Variants in NOXRED1 observed in about 807,000 individuals in gnomAD.
NOXRED1 encodes NADP-dependent oxidoreductase domain-containing protein 1.
Under a neutral mutation model 30.4 loss-of-function variants are expected in NOXRED1, and 20 were observed. The observed-to-expected ratio is 0.66, with a 90% CI of 0.46 to 0.96. NOXRED1 has a LOEUF of 0.96. NOXRED1 is among the 40% of genes least tolerant of loss of function. The pLI is 0.00. For missense variants in NOXRED1, 374 were observed against 428.0 expected, an observed-to-expected ratio of 0.87 and a Z score of 1.11; for synonymous variants, 155 against 168.0, an observed-to-expected ratio of 0.92 and a Z score of 0.60.
intron 1 of NOXRED1, among the ~76,000 whole-genome samples, chr14:77,418,477 TATA>T (rs1298401850): frequency 6.6e-6 from 1 of 151,204 alleles, no homozygotes; most frequent in African/African-American, 2.4e-5. Context: ...TATTGATATT[TATA>T]ATTTTATTTT....
intron 1 of NOXRED1, among the ~76,000 whole-genome samples, chr14:77,416,697 C>T (rs1253183382): frequency 2.6e-5 from 4 of 152,166 alleles, no homozygotes; most frequent in South Asian, 4.1e-4. Flanking sequence ...CATCATGGCC[C>T]GTTCTCAATG....
At chr14:77,415,888 G>A (rs1053217212) in intron 1 of NOXRED1, among the ~76,000 whole-genome samples, 1 of 151,904 alleles carries the variant, frequency 6.6e-6, no homozygotes, top group African/African-American at 2.4e-5. Context: ...GCTAATTTTT[G>A]TATTTTTAGT....
intron 5 of NOXRED1, among the ~76,000 whole-genome samples, chr14:77,397,016 C>T (rs1158425492): frequency 1.3e-5 from 2 of 152,216 alleles, no homozygotes; most frequent in African/African-American, 4.8e-5. Context: ...AAATATGCAA[C>T]TACCAAATGA....
intron 1 of NOXRED1, among the ~76,000 whole-genome samples, chr14:77,415,264 T>C (rs2139693033): frequency 6.6e-6 from 1 of 151,930 alleles, no homozygotes; most frequent in East Asian, 1.9e-4. Context: ...CACAGTACAG[T>C]TGTGTTAATT....
At chr14:77,421,420 G>A (rs1894989370) in intron 1 of NOXRED1, among the ~76,000 whole-genome samples, 1 of 152,140 alleles carries the variant, frequency 6.6e-6, no homozygotes, top group Non-Finnish European at 1.5e-5. Flanking sequence ...ATTGCTATTA[G>A]ATGTGAGTGC....
At position 77,406,094 on chromosome 14, in the gene NOXRED1, A is replaced by T; in HGVS notation, c.724T>A (p.Tyr242Asn). Residue 242 changes from tyrosine (Y) to asparagine (N), a missense_variant, in exon 5 of 6, where the codon TAT becomes AAT. Transcript: ENST00000380835. ...GCTGTGCATATGTTTAGGGCCGCAT[A>T]GAACACTCCCTCCAACCACTTGATA... ...LNIKWLEGVF[Y>N]AALNICTARN... is the part of the protein sequence containing the mutation. 6.2e-7 allele frequency: 1 copy of T among 1,613,862 alleles called. No individual in the cohort carries two copies. The highest frequency in any genetic ancestry group is 8.5e-7 in the Non-Finnish European group (1 of 1,179,786).
chr14:77,395,986 A>G (rs1371449363), intron 5 of NOXRED1, among the ~76,000 whole-genome samples: 1 of 151,840 alleles, frequency 6.6e-6, no homozygotes, highest in Non-Finnish European at 1.5e-5. Context: ...GGAGGCTGAG[A>G]GAAGAGGATT....
chr14:77,406,630 CACACAGAG>C (rs765517999), intron 4 of NOXRED1, 86 bp downstream of exon 4: 83 of 400,926 alleles, frequency 2.1e-4, no homozygotes, highest in African/African-American at 1.7e-3. Context: ...CACACACACA[CACACAGAG>C]AGAGAGAGAT....
upstream of NOXRED1, among the ~76,000 whole-genome samples, chr14:77,424,897 G>T (rs191000630): frequency 9.2e-5 from 14 of 152,296 alleles, no homozygotes; most frequent in Admixed American, 2.6e-4. Flanking sequence ...CATAATCAGG[G>T]GAAGTACTTT....
chr14:77,419,446 C>CTTTT (rs35341872), intron 1 of NOXRED1, among the ~76,000 whole-genome samples: 2 of 91,514 alleles, frequency 2.2e-5, no homozygotes, highest in African/African-American at 7.5e-5. Flanking sequence ...TTTCTTTTTC[C>CTTTT]TTTTTTTTTT....
chr14:77,406,440 T>C (rs2139675515), intron 4 of NOXRED1: 2 of 594,168 alleles, frequency 3.4e-6, no homozygotes, highest in South Asian at 4.1e-5. Flanking sequence ...ACTACAAGAT[T>C]AGAACAGGGA....
chr14:77,418,547 T>G (rs1206387861), intron 1 of NOXRED1, among the ~76,000 whole-genome samples: 2 of 152,238 alleles, frequency 1.3e-5, no homozygotes, highest in Non-Finnish European at 2.9e-5. Flanking sequence ...TATCTATTTA[T>G]GAGACAGGGT....
At position 77,405,944 on chromosome 14, in the gene NOXRED1, T is replaced by C; in HGVS notation, c.874A>G (p.Lys292Glu). ...TGAGACAAATTCTTGCCATAGGCTT[T>C]GCTGACAAAATCTGTTAATTGCAAC... ...PKLQLTDFVS[K>E]AYGKNLSQER... Residue 292 changes from lysine to glutamate, a missense_variant, in exon 5 of 6, where the codon AAA becomes GAA. Transcript: ENST00000380835. 1 of 1,613,462 alleles carries C rather than the reference T, an allele frequency of 6.2e-7. No homozygotes were observed. The highest frequency in any genetic ancestry group is 1.1e-5 in the South Asian group (1 of 91,054).
chr14:77,405,676 A>G (rs1480365337), intron 5 of NOXRED1, among the ~76,000 whole-genome samples: 6 of 152,228 alleles, frequency 3.9e-5, no homozygotes, highest in Non-Finnish European at 8.8e-5. Context: ...CATTATAACA[A>G]TATAAATGTT....
At chr14:77,418,968 T>C (rs1310766923) in intron 1 of NOXRED1, among the ~76,000 whole-genome samples, 1 of 152,198 alleles carries the variant, frequency 6.6e-6, no homozygotes, top group African/African-American at 2.4e-5. Context: ...GACTAGCATG[T>C]TTTCATTTCA....
chr14:77,408,898 T>TTTTTTTTTTTTTTTTTTTTTTTTTG, intron 2 of NOXRED1, among the ~76,000 whole-genome samples: 1 of 126,586 alleles, frequency 7.9e-6, no homozygotes, highest in Non-Finnish European at 1.7e-5. Flanking sequence ...GTTAATTTTT[T>TTTTTTTTTTTTTTTTTTTTTTTTTG]TTTTTTTTTT....
intron 2 of NOXRED1, among the ~76,000 whole-genome samples, chr14:77,412,765 G>A (rs900560627): frequency 1.3e-5 from 2 of 151,950 alleles, no homozygotes; most frequent in Admixed American, 1.3e-4. Context: ...TGCCCACCTC[G>A]GCCTCCCAAA....
chr14:77,395,055 T>C (rs891748417), intron 5 of NOXRED1, among the ~76,000 whole-genome samples: 2 of 152,108 alleles, frequency 1.3e-5, no homozygotes, highest in Non-Finnish European at 2.9e-5. Context: ...GTTAAAGAAT[T>C]ATTATAATAT....
chr14:77,399,271 A>G (rs176767), intron 5 of NOXRED1, among the ~76,000 whole-genome samples: 66,797 of 151,748 alleles, frequency 0.44, 17,235 homozygotes, highest in East Asian at 0.92. Context: ...TGGGCAACAA[A>G]GTGAGACCCC....
Sources: gnomAD v4.1 joint callset for allele counts (sites outside exome capture counted in the v4.1 genomes callset) on GRCh38, gnomAD v4.1.1 for gene constraint, MANE v1.5 for transcripts, NCBI Gene and HGNC (gene_info 2026-07-23, HGNC 2026-07-21) for gene names.